TRHDE: variants seen among roughly 807,000 people sequenced by gnomAD.
The protein encoded by TRHDE is thyrotropin releasing hormone degrading enzyme, also known as thyrotropin-releasing hormone-degrading ectoenzyme.
A neutral mutation model predicts 125.7 loss-of-function variants in TRHDE; 72 were observed. That is an observed-to-expected ratio of 0.57 (90% CI 0.47 to 0.70). The LOEUF (loss-of-function observed/expected upper bound fraction) is 0.70. Ranked by LOEUF, TRHDE falls within the 30% of genes least tolerant of loss-of-function variation. The probability of loss-of-function intolerance (pLI) is 0.00; values close to 1 mark genes in which losing one functional copy is unlikely to be tolerated. For synonymous variants in TRHDE, 509 were observed against 509.1 expected (o/e 1.00, Z 0.00); for missense variants, 1,110 against 1,327.1 (o/e 0.84, Z 2.54).
chr12:72,425,796 T>A (rs1874157804), intron 3 of TRHDE, among the ~76,000 whole-genome samples: 1 of 152,042 alleles, frequency 6.6e-6, no homozygotes, highest in South Asian at 2.1e-4. Flanking sequence ...ACTATTTGGT[T>A]TTTACTATGG....
At chr12:72,116,043 G>C (rs1875435841) in intron 2 of TRHDE, among the ~76,000 whole-genome samples, 1 of 152,100 alleles carries the variant, frequency 6.6e-6, no homozygotes, top group South Asian at 2.1e-4. Flanking sequence ...CCCAGTGTGT[G>C]ATGTTCCCCT....
chr12:72,346,679 C>T (rs1468434831), intron 2 of TRHDE, among the ~76,000 whole-genome samples: 3 of 152,020 alleles, frequency 2.0e-5, no homozygotes, highest in Admixed American at 2.0e-4. Flanking sequence ...CAAAGAGGCT[C>T]TCGTTTGCTG....
intron 2 of TRHDE, among the ~76,000 whole-genome samples, chr12:72,363,455 G>C (rs1401845101): frequency 6.6e-6 from 1 of 151,918 alleles, no homozygotes; most frequent in African/African-American, 2.4e-5. Flanking sequence ...GGGATGCAAG[G>C]CTGGTTCAAT....
In TRHDE at chr12:72,273,483, T is replaced by C. The variant is rs1451003167; in HGVS notation, c.840T>C (p.Ile280=). ...CGCAGAGGAATTACAATCTGAAGAT[T>C]ATCTACAACGCGCTCATCGAGAATG... ...LDAQRNYNLK[I]IYNALIENEL... is the part of the protein sequence containing the mutation. Residue 280 remains isoleucine (I), a synonymous_variant, in exon 1 of 19, where the codon ATT becomes ATC. Transcript: ENST00000261180. The surrounding 1 kb of genome is among the most constrained non-coding windows in gnomAD (Gnocchi z 5.3). 6.2e-7 allele frequency: 1 copy of C among 1,613,232 alleles called. No homozygotes were observed. The highest frequency in any genetic ancestry group is 1.1e-5 in the South Asian group (1 of 91,074).
intron 2 of TRHDE, among the ~76,000 whole-genome samples, chr12:72,173,243 A>G (rs548482550): frequency 5.9e-5 from 9 of 152,312 alleles, no homozygotes; most frequent in Non-Finnish European, 1.5e-5. Context: ...GGGCAGAATA[A>G]AATAAAGTGG....
intron 2 of TRHDE, among the ~76,000 whole-genome samples, chr12:72,106,203 C>T (rs1000379438): frequency 6.6e-6 from 1 of 152,050 alleles, no homozygotes; most frequent in African/African-American, 2.4e-5. Context: ...TTCAATGTCT[C>T]TGATTTCCTG....
intron 6 of TRHDE, among the ~76,000 whole-genome samples, chr12:72,513,270 A>T (rs904149323): frequency 1.3e-5 from 2 of 152,164 alleles, no homozygotes; most frequent in African/African-American, 4.8e-5. Flanking sequence ...ATAAACCTCA[A>T]TCAGAGTTTC....
chr12:72,248,308 C>T (rs1307577532), intron 2 of TRHDE, among the ~76,000 whole-genome samples: 2 of 150,960 alleles, frequency 1.3e-5, no homozygotes, highest in Non-Finnish European at 3.0e-5. Context: ...ATCCCAGCTA[C>T]TCAGGGGGCT....
rs752149695 is a variant in TRHDE, at chr12:72,273,586, CCCCACCCCGGCGCGCGGCT to C, written c.914+31_914+49del. On this transcript the variant is annotated intron_variant, in intron 1 of 18. Coordinates refer to ENST00000261180, the MANE Select transcript of TRHDE (RefSeq NM_013381.3). The surrounding 1 kb of genome is among the most constrained non-coding windows in gnomAD (Gnocchi z 5.3). ...TGGAGGGAGGCGGTGCCCCGCGCTG[CCCCACCCCGGCGCGCGGCT>C]CGAACCTCTGGGCGGCCTGCGACCC... 3 of 1,548,348 alleles carry C rather than the reference CCCCACCCCGGCGCGCGGCT, an allele frequency of 1.9e-6. No individual in the cohort carries two copies. Among genetic ancestry groups the C allele is most frequent in the Non-Finnish European group, 2.6e-6 (3 of 1,147,692 alleles).
chr12:72,215,977 C>A (rs886621318), intron 2 of TRHDE, among the ~76,000 whole-genome samples: 1 of 152,250 alleles, frequency 6.6e-6, no homozygotes. Flanking sequence ...TGTAACAAGA[C>A]AAAGCTGGGT....
chr12:72,324,429 T>C (rs988833910), intron 2 of TRHDE, among the ~76,000 whole-genome samples: 50 of 151,718 alleles, frequency 3.3e-4, no homozygotes, highest in Admixed American at 3.3e-3. Flanking sequence ...AAAGGAGAAA[T>C]GGGCCTTTCA....
intron 2 of TRHDE, among the ~76,000 whole-genome samples, chr12:72,152,396 C>G (rs1313777907): frequency 6.6e-6 from 1 of 151,876 alleles, no homozygotes; most frequent in Admixed American, 6.6e-5. Context: ...ATTTCCTTCT[C>G]CTGCCTCATT....
chr12:72,269,635 G>T (rs1879149160), upstream of TRHDE, among the ~76,000 whole-genome samples: 1 of 152,094 alleles, frequency 6.6e-6, no homozygotes, highest in African/African-American at 2.4e-5. Context: ...AAGAGAACTG[G>T]GTTAAAGGGT....
chr12:72,290,646 T>C (rs1880052824), intron 2 of TRHDE, among the ~76,000 whole-genome samples: 1 of 152,192 alleles, frequency 6.6e-6, no homozygotes, highest in Admixed American at 6.5e-5. Context: ...CCAGAATCAT[T>C]TGAAGCCATC....
chr12:72,277,813 G>GT (rs1429556150), intron 1 of TRHDE, among the ~76,000 whole-genome samples: 1 of 152,036 alleles, frequency 6.6e-6, no homozygotes, highest in Non-Finnish European at 1.5e-5. Context: ...TAAATATACA[G>GT]TTTTTTCAAA....
At chr12:72,151,807 T>C (rs1218440491) in intron 2 of TRHDE, among the ~76,000 whole-genome samples, 6 of 152,052 alleles carry the variant, frequency 3.9e-5, no homozygotes, top group African/African-American at 1.4e-4. Context: ...AGCCTTGTAG[T>C]ATAGTTTGAA....
At chr12:72,195,665 T>C (rs1316987873) in intron 2 of TRHDE, among the ~76,000 whole-genome samples, 1 of 151,722 alleles carries the variant, frequency 6.6e-6, no homozygotes, top group Non-Finnish European at 1.5e-5. Flanking sequence ...AGTTTGCAAA[T>C]TGTAGGTTGT....
intron 2 of TRHDE, among the ~76,000 whole-genome samples, chr12:72,248,775 G>A (rs11179131): frequency 0.43 from 65,138 of 152,054 alleles, 15,039 homozygotes; most frequent in Non-Finnish European, 0.52. Flanking sequence ...TTCTTGAAGA[G>A]CGCACAATTA....
rs575096773 is a variant in TRHDE, at chr12:72,585,826, T to G, written c.2321+10284T>G. 2.2e-3 allele frequency among the ~76,000 whole-genome samples: 336 copies of G among 152,350 alleles called. 2 individuals carry two copies. Among genetic ancestry groups the G allele is most frequent in the African/African-American group, 7.6e-3 (314 of 41,588 alleles). On this transcript the variant is annotated intron_variant, in intron 12 of 18. Transcript: ENST00000261180. The stretch of plus-strand genomic sequence containing the variant: ...TAAAGATCTCTATCTACTCTGTTTC[T>G]CAAACAACTCAAAATAAAAATCCTC...
Sources: allele counts gnomAD v4.1 joint callset (sites outside exome capture counted in the v4.1 genomes callset), GRCh38; gene constraint gnomAD v4.1.1; non-coding constraint Gnocchi (gnomAD v3.1); transcripts MANE v1.5; gene names NCBI Gene and HGNC (gene_info 2026-07-23, HGNC 2026-07-21).